RP1: variants seen among roughly 807,000 people sequenced by gnomAD.
RP1 encodes oxygen-regulated protein 1.
A neutral mutation model predicts 14.8 loss-of-function variants in RP1; 16 were observed. The ratio of observed to expected loss-of-function variants is 1.08; its 90% confidence interval spans 0.73 to 1.65. The LOEUF is 1.65. Ranked by LOEUF, RP1 falls within the 40% of genes most tolerant of loss-of-function variation. The probability of loss-of-function intolerance (pLI) is 0.00; values close to 1 mark genes in which losing one functional copy is unlikely to be tolerated. For missense variants in RP1, 2,631 were observed against 2,535.0 expected (o/e 1.04, Z -0.81); for synonymous variants, 876 against 883.6 (o/e 0.99, Z 0.15).
chr8:54,747,381 T>C (rs1809251916), intron 19 of RP1, among the ~76,000 whole-genome samples: 1 of 152,184 alleles, frequency 6.6e-6, no homozygotes, highest in Admixed American at 6.5e-5. Flanking sequence ...CTTGATCACA[T>C]CAGCATGGTT....
chr8:54,731,951 C>G (rs1244480909), intron 17 of RP1, among the ~76,000 whole-genome samples: 1 of 152,186 alleles, frequency 6.6e-6, no homozygotes, highest in Non-Finnish European at 1.5e-5. Context: ...CTTTCTAATA[C>G]TTAGCTCAGA....
chr8:54,627,369 TTG>T lies in RP1; in HGVS notation c.3489_3490del (p.Leu1163PhefsTer14). On this transcript the variant is annotated frameshift_variant, in exon 4 of 4. Transcript: ENST00000220676. LOFTEE classifies it low-confidence loss of function (END_TRUNC). Reference sequence around the variant, plus strand: ...CAACAAATCTTCAGAAACACTTGCATTGTTGGAGATTCTAAAGCACATAGCTA... The same window carrying T: ...CAACAAATCTTCAGAAACACTTGCATTTGGAGATTCTAAAGCACATAGCTA... ...ATNKSSETLA[L>X]LEILKHIAIT... 6.2e-7 allele frequency: 1 copy of T among 1,614,134 alleles called. No individual in the cohort carries two copies.
chr8:54,624,691 G>C lies in RP1; in HGVS notation c.809G>C (p.Ser270Thr), dbSNP rs746650875. 1.8e-5 allele frequency: 29 copies of C among 1,613,794 alleles called. No individual in the cohort carries two copies. Among genetic ancestry groups the C allele is most frequent in the Non-Finnish European group, 2.2e-5 (26 of 1,179,926 alleles). The change falls in exon 4 of 4, where the codon AGC becomes ACC. Residue 270 changes from serine (S) to threonine (T), a missense_variant. Transcript: ENST00000220676. Reference sequence around the variant, plus strand: ...AAAGTAAGCACACATATGTCTTCAAGCTCAAGGTCCCAGATTTATTCTGTT... The same window carrying C: ...AAAGTAAGCACACATATGTCTTCAACCTCAAGGTCCCAGATTTATTCTGTT... Reference protein sequence around the residue: ...SRKISTHMSSSSRSQIYSVSS... With the variant: ...SRKISTHMSSTSRSQIYSVSS...
chr8:54,726,466 T>G, exon 17 of RP1: 1 of 1,528,128 alleles, frequency 6.5e-7, no homozygotes, highest in South Asian at 1.2e-5. Flanking sequence ...CCTTACCTTC[T>G]TCAACTGCAA....
At position 54,627,279 on chromosome 8, in the gene RP1, C is replaced by T. The variant is rs1806087215; in HGVS notation, c.3397C>T (p.Leu1133Phe). The T allele has an allele frequency of 6.2e-7, 1 of 1,614,120 alleles. No individual in the cohort carries two copies. Among genetic ancestry groups the T allele is most frequent in the Non-Finnish European group, 8.5e-7 (1 of 1,179,982 alleles). ...ATCCACTAATCTCCTTCTAGCTTGGCTCTTGGTGCTAAACCTAAAGGGAAG... is the reference window on the plus strand; with the variant it reads ...ATCCACTAATCTCCTTCTAGCTTGGTTCTTGGTGCTAAACCTAAAGGGAAG... ...NSSTNLLLAW[L>F]LVLNLKGSMN... is the part of the protein sequence containing the mutation. Residue 1133 changes from leucine to phenylalanine, a missense_variant, in exon 4 of 4, where the codon CTC (leucine) becomes TTC (phenylalanine). Coordinates refer to ENST00000220676, the MANE Select transcript of RP1 (RefSeq NM_006269.2).
chr8:54,732,491 A>G (rs1385119894), intron 17 of RP1, among the ~76,000 whole-genome samples: 1 of 152,188 alleles, frequency 6.6e-6, no homozygotes, highest in Non-Finnish European at 1.5e-5. Flanking sequence ...TGAGCCCAAC[A>G]CAATGCCCAG....
At chr8:54,739,710 T>C (rs1034042821) in intron 19 of RP1, among the ~76,000 whole-genome samples, 5 of 152,010 alleles carry the variant, frequency 3.3e-5, no homozygotes, top group Non-Finnish European at 5.9e-5. Context: ...GGTATAGATA[T>C]AGATACATAC....
At chr8:54,652,801 G>A in exon 5 of RP1, 1 of 1,535,678 alleles carries the variant, frequency 6.5e-7, no homozygotes. Flanking sequence ...AGACATTGGA[G>A]CACTCTTTAA....
downstream of RP1, among the ~76,000 whole-genome samples, chr8:54,771,778 T>A (rs1355194587): frequency 1.3e-5 from 2 of 152,060 alleles, no homozygotes; most frequent in Admixed American, 6.5e-5. Context: ...ATCTCATAGT[T>A]ATGTGAATGA....
intron 25 of RP1, among the ~76,000 whole-genome samples, chr8:54,845,148 G>A (rs1427575393): frequency 1.3e-5 from 2 of 152,204 alleles, no homozygotes; most frequent in Admixed American, 6.5e-5. Context: ...GTGAACTGGG[G>A]AACAAGAACA....
chr8:54,628,194 G>A lies in RP1; in HGVS notation c.4312G>A (p.Asp1438Asn), dbSNP rs1806133110. Residue 1438 changes from aspartate to asparagine, a missense_variant, in exon 4 of 4, where the codon GAT becomes AAT. Coordinates refer to ENST00000220676, the MANE Select transcript of RP1 (RefSeq NM_006269.2). ...GGATGAAAATGCATATACTTCCTTT[G>A]ATATGGAAGAACCACGGACTTCTGA... ...FQDENAYTSFDMEEPRTSEEP... is the reference protein window; with the variant it reads ...FQDENAYTSFNMEEPRTSEEP... 4 of 1,613,994 alleles carry A rather than the reference G, an allele frequency of 2.5e-6. No individual in the cohort carries two copies. Among genetic ancestry groups the A allele is most frequent in the Non-Finnish European group, 3.4e-6 (4 of 1,179,910 alleles).
rs773177329 is a variant in RP1 at position 54,625,893 on chromosome 8, A to C, written c.2011A>C (p.Lys671Gln). 23 of 1,613,760 alleles carry C rather than the reference A, an allele frequency of 1.4e-5. No individual in the cohort carries two copies. The highest frequency in any genetic ancestry group is 5.0e-5 in the Admixed American group (3 of 59,972). ...EKKILSSVAS[K>Q]KKKKSRQQAI... The stretch of plus-strand genomic sequence containing the variant: ...GAAGATTTTGTCATCTGTTGCCAGC[A>C]AAAAGAAGAAAAAATCTCGACAGCA... Residue 671 changes from lysine to glutamine, a missense_variant, in exon 4 of 4, where the codon AAA (lysine) becomes CAA (glutamine). Coordinates refer to ENST00000220676, the MANE Select transcript of RP1 (RefSeq NM_006269.2).
intron 1 of RP1, among the ~76,000 whole-genome samples, chr8:54,587,241 C>A (rs1236280829): frequency 6.6e-6 from 1 of 152,178 alleles, no homozygotes; most frequent in Non-Finnish European, 1.5e-5. Flanking sequence ...GCCTGGCCAA[C>A]ATGGCGAAAC....
chr8:54,700,024 T>G (rs1482998723), intron 13 of RP1, among the ~76,000 whole-genome samples: 1 of 152,166 alleles, frequency 6.6e-6, no homozygotes, highest in Admixed American at 6.6e-5. Context: ...ATTACAATAT[T>G]TCATTCTTAA....
At chr8:54,761,284 T>C (rs1279323435) in intron 22 of RP1, among the ~76,000 whole-genome samples, 1 of 145,716 alleles carries the variant, frequency 6.9e-6, no homozygotes, top group Admixed American at 7.2e-5. Context: ...TCACACAGGC[T>C]GGAGTGCAGT....
At chr8:54,656,115 G>C in exon 6 of RP1, 7 of 1,534,186 alleles carry the variant, frequency 4.6e-6, no homozygotes, top group Non-Finnish European at 6.1e-6. Flanking sequence ...CTGGAAAACA[G>C]TTTTATGTAC....
intron 1 of RP1, among the ~76,000 whole-genome samples, chr8:54,604,027 A>G (rs1805362488): frequency 1.3e-5 from 2 of 152,066 alleles, no homozygotes; most frequent in African/African-American, 4.8e-5. Flanking sequence ...AACACCCTTT[A>G]TTTCCTTCTC....
chr8:54,701,617 A>G (rs111280673), exon 14 of RP1: 1 of 1,535,694 alleles, frequency 6.5e-7, no homozygotes, highest in Non-Finnish European at 8.7e-7. Flanking sequence ...ATGCATCATC[A>G]GCAGGCTATG....
At chr8:54,795,316 A>T (rs1403767632) in intron 24 of RP1, among the ~76,000 whole-genome samples, 4 of 152,124 alleles carry the variant, frequency 2.6e-5, no homozygotes, top group Admixed American at 6.6e-5. Context: ...TAGCCAAGAC[A>T]TAGGAACACC....
Sources: gnomAD v4.1 joint callset for allele counts (sites outside exome capture counted in the v4.1 genomes callset) on GRCh38, gnomAD v4.1.1 for gene constraint, MANE v1.5 for transcripts, NCBI Gene and HGNC (gene_info 2026-07-23, HGNC 2026-07-21) for gene names.